Variants in PRUNE2 observed in about 807,000 individuals in gnomAD.
PRUNE2 encodes prune homolog 2 with BCH domain, also known as protein prune homolog 2.
In PRUNE2, 164 loss-of-function variants were observed where a neutral mutation model predicts 252.0. The observed-to-expected ratio is 0.65, with a 90% confidence interval of 0.57 to 0.74. The LOEUF (loss-of-function observed/expected upper bound fraction) is 0.74. Among genes scored for constraint, PRUNE2 ranks in the 30% least tolerant of loss-of-function variants. The pLI, the probability that PRUNE2 is intolerant of heterozygous loss-of-function variation, is 0.00. For synonymous variants in PRUNE2, 1,292 were observed against 1,350.2 expected, an observed-to-expected ratio of 0.96 and a Z score of 0.94; for missense variants, 3,495 against 3,711.0, an observed-to-expected ratio of 0.94 and a Z score of 1.51.
intron 5 of PRUNE2, among the ~76,000 whole-genome samples, chr9:76,825,142 C>T (rs1256222967): frequency 6.6e-6 from 1 of 152,126 alleles, no homozygotes; most frequent in Non-Finnish European, 1.5e-5. Context: ...GAATTAAGGC[C>T]CCCTGGGTCT....
intron 1 of PRUNE2, among the ~76,000 whole-genome samples, chr9:76,870,164 T>A (rs1194126359): frequency 6.6e-6 from 1 of 152,096 alleles, no homozygotes; most frequent in Non-Finnish European, 1.5e-5. Context: ...ACCTTAACAA[T>A]ACATAATAAA....
At chr9:76,683,303 T>C (rs1158311391) in intron 9 of PRUNE2, among the ~76,000 whole-genome samples, 1 of 152,152 alleles carries the variant, frequency 6.6e-6, no homozygotes, top group Non-Finnish European at 1.5e-5. Flanking sequence ...GGATTGCAGT[T>C]GACTGTAATG....
At chr9:76,901,646 A>G (rs2063181773) in intron 1 of PRUNE2, among the ~76,000 whole-genome samples, 1 of 152,140 alleles carries the variant, frequency 6.6e-6, no homozygotes, top group Non-Finnish European at 1.5e-5. Context: ...CATCTCCTGT[A>G]ATCACTCTAA....
intron 6 of PRUNE2, among the ~76,000 whole-genome samples, chr9:76,755,250 C>T (rs2051029760): frequency 6.6e-6 from 1 of 152,162 alleles, no homozygotes. Context: ...TTATCACGTT[C>T]ACACCATATC....
chr9:76,627,901 C>T, intron 16 of PRUNE2: 1 of 411,128 alleles, frequency 2.4e-6, no homozygotes, highest in Non-Finnish European at 4.9e-6. Context: ...CTATGCTTGG[C>T]ATATCATAGA....
At chr9:76,761,989 A>G (rs745705598) in intron 6 of PRUNE2, among the ~76,000 whole-genome samples, 1 of 152,230 alleles carries the variant, frequency 6.6e-6, no homozygotes, top group Non-Finnish European at 1.5e-5. Flanking sequence ...CGTCATATTT[A>G]AAAGACAACT....
chr9:76,754,240 C>A (rs932359132), intron 6 of PRUNE2, among the ~76,000 whole-genome samples: 1 of 152,080 alleles, frequency 6.6e-6, no homozygotes, highest in Non-Finnish European at 1.5e-5. Flanking sequence ...CAGGTTTGAA[C>A]TACTCAGAAC....
At chr9:76,771,490 T>C (rs748213757) in intron 6 of PRUNE2, among the ~76,000 whole-genome samples, 5 of 152,100 alleles carry the variant, frequency 3.3e-5, no homozygotes, top group Admixed American at 6.5e-5. Flanking sequence ...ACTGCAGCAA[T>C]GTGACATGAA....
At position 76,709,486 on chromosome 9, in the gene PRUNE2, C is replaced by T; in HGVS notation, c.2788G>A (p.Gly930Arg). The stretch of plus-strand genomic sequence containing the variant: ...TCCCAAGGAACTAGGACATCTGACC[C>T]TCCTTTCTTCATATTCTCCTCAAAA... ...NLFEENMKKG[G>R]SDVLVPWEDS... Residue 930 changes from glycine (G) to arginine (R), a missense_variant, in exon 8 of 19, where the codon GGG (glycine) becomes AGG (arginine). Physicochemically the swap from Gly to Arg is moderately radical, Grantham distance 125. Transcript: ENST00000376718. The T allele has an allele frequency of 6.2e-7, 1 of 1,614,004 alleles. No individual in the cohort carries two copies. Among genetic ancestry groups the T allele is most frequent in the Non-Finnish European group, 8.5e-7 (1 of 1,179,882 alleles).
intron 6 of PRUNE2, among the ~76,000 whole-genome samples, chr9:76,766,989 C>A (rs368705478): frequency 2.0e-5 from 3 of 152,206 alleles, no homozygotes; most frequent in African/African-American, 4.8e-5. Context: ...CACCTTCCCC[C>A]CAAGGCGAAG....
intron 9 of PRUNE2, among the ~76,000 whole-genome samples, chr9:76,682,535 G>T (rs1043189236): frequency 6.6e-6 from 1 of 151,774 alleles, no homozygotes; most frequent in African/African-American, 2.4e-5. Context: ...CTAATTTTTT[G>T]TATTTTTAGT....
chr9:76,731,339 T>TTTGAGACAGGGTATTGC (rs2048587656), intron 6 of PRUNE2, among the ~76,000 whole-genome samples: 1 of 135,108 alleles, frequency 7.4e-6, no homozygotes, highest in Non-Finnish European at 1.5e-5. Context: ...TTTTTTTTTT[T>TTTGAGACAGGGTATTGC]TGAGACAGGG....
intron 4 of PRUNE2, among the ~76,000 whole-genome samples, chr9:76,836,238 T>C (rs1249274424): frequency 2.6e-5 from 4 of 151,530 alleles, no homozygotes; most frequent in Admixed American, 6.6e-5. Flanking sequence ...GTGAGGACTC[T>C]GGCGGGTCTG....
intron 4 of PRUNE2, among the ~76,000 whole-genome samples, chr9:76,838,299 T>A (rs2059176734): frequency 6.6e-6 from 1 of 151,804 alleles, no homozygotes; most frequent in Admixed American, 6.6e-5. Context: ...AAGGTAGAGA[T>A]CTAAAAACAA....
chr9:76,844,707 C>G (rs1269988926), intron 4 of PRUNE2, among the ~76,000 whole-genome samples: 1 of 152,092 alleles, frequency 6.6e-6, no homozygotes, highest in African/African-American at 2.4e-5. Context: ...TTTAATGACT[C>G]TGGCTCTTTT....
intron 6 of PRUNE2, among the ~76,000 whole-genome samples, chr9:76,805,292 C>A (rs1352459448): frequency 1.3e-5 from 2 of 152,174 alleles, no homozygotes; most frequent in African/African-American, 4.8e-5. Context: ...TCAGGCAAGA[C>A]CAGCAGAATC....
intron 1 of PRUNE2, among the ~76,000 whole-genome samples, chr9:76,897,526 G>A (rs977681939): frequency 4.9e-5 from 7 of 144,140 alleles, no homozygotes; most frequent in Non-Finnish European, 1.0e-4. Flanking sequence ...CAATTCCCCT[G>A]CCTCAGCCTC....
intron 1 of PRUNE2, among the ~76,000 whole-genome samples, chr9:76,885,324 T>C (rs1460113487): frequency 6.6e-6 from 1 of 152,214 alleles, no homozygotes; most frequent in Non-Finnish European, 1.5e-5. Flanking sequence ...CATAATGCCT[T>C]CTAGCTTGGT....
At chr9:76,622,068 A>G (rs1832583867) in intron 17 of PRUNE2, among the ~76,000 whole-genome samples, 1 of 152,150 alleles carries the variant, frequency 6.6e-6, no homozygotes, top group African/African-American at 2.4e-5. Flanking sequence ...GTGTTTTACC[A>G]TGTGCTCCAG....
Sources: gnomAD v4.1 joint callset for allele counts (sites outside exome capture counted in the v4.1 genomes callset) on GRCh38, gnomAD v4.1.1 for gene constraint, MANE v1.5 for transcripts, NCBI Gene and HGNC (gene_info 2026-07-23, HGNC 2026-07-21) for gene names.